CCDC152: variants seen among roughly 807,000 people sequenced by gnomAD.
The protein encoded by CCDC152 is coiled-coil domain containing 152, also known as coiled-coil domain-containing protein 152.
Under a neutral mutation model 38.1 loss-of-function variants are expected in CCDC152, and 37 were observed. That is an observed-to-expected ratio of 0.97 (90% CI 0.75 to 1.28). The LOEUF is 1.28. CCDC152 is among the 50% of genes most tolerant of loss of function. The probability of loss-of-function intolerance (pLI) is 0.00; values close to 1 mark genes in which losing one functional copy is unlikely to be tolerated. For missense variants in CCDC152, 259 were observed against 292.1 expected, an observed-to-expected ratio of 0.89 and a Z score of 0.83; for synonymous variants, 83 against 87.1, an observed-to-expected ratio of 0.95 and a Z score of 0.26.
intron 5 of CCDC152, among the ~76,000 whole-genome samples, chr5:42,780,009 C>T (rs927815200): frequency 2.0e-5 from 3 of 152,114 alleles, no homozygotes; most frequent in African/African-American, 7.2e-5. Context: ...GCTACTTTTC[C>T]TTATCTCCTG....
chr5:42,800,785 T>C lies in CCDC152; in HGVS notation c.*1004T>C, dbSNP rs760986023. On this transcript the variant is annotated 3_prime_UTR_variant, in exon 9 of 9. Transcript: ENST00000361970. ...CAGCGTCAACTGGCACTGGCTTCTGTGGGTATAAGCTGCTGACTTATTTGT... is the reference window on the plus strand; with the variant it reads ...CAGCGTCAACTGGCACTGGCTTCTGCGGGTATAAGCTGCTGACTTATTTGT... The C allele has an allele frequency of 5.1e-5, 82 of 1,613,822 alleles. No individual in the cohort carries two copies. The highest frequency in any genetic ancestry group is 6.9e-5 in the Non-Finnish European group (82 of 1,179,856).
chr5:42,768,121 G>A (rs955834420), intron 3 of CCDC152, among the ~76,000 whole-genome samples: 4 of 152,168 alleles, frequency 2.6e-5, no homozygotes, highest in Non-Finnish European at 5.9e-5. Flanking sequence ...TATCAGCATA[G>A]TTGAAAAAGT....
At chr5:42,787,201 A>G (rs1247570764) in intron 6 of CCDC152, among the ~76,000 whole-genome samples, 2 of 151,898 alleles carry the variant, frequency 1.3e-5, no homozygotes, top group African/African-American at 4.8e-5. Context: ...GAGTTTCTTT[A>G]TTATTTTTCA....
chr5:42,778,836 C>T (rs1759802613), intron 4 of CCDC152, among the ~76,000 whole-genome samples: 1 of 152,134 alleles, frequency 6.6e-6, no homozygotes, highest in African/African-American at 2.4e-5. Context: ...CTCATTATTT[C>T]ACTTCTGCAC....
In CCDC152 at chr5:42,792,827, C is replaced by A. The variant is rs148769679; in HGVS notation, c.431-4002C>A. Among the ~76,000 whole-genome samples, 206 of 152,294 alleles carry A rather than the reference C, an allele frequency of 1.4e-3. 1 individual carries two copies. The highest frequency in any genetic ancestry group is 4.7e-3 in the African/African-American group (196 of 41,556). ...TAGAAGCATGGCCTCAGCTTAAATG[C>A]AGTAATGGATTTTAGAGTGCAGGAG... On this transcript the variant is annotated intron_variant, in intron 6 of 8. Transcript: ENST00000361970.
At position 42,799,732 on chromosome 5, in the gene CCDC152, A is replaced by G. The variant is rs1760136852; in HGVS notation, c.716A>G (p.Gln239Arg). Residue 239 changes from glutamine (Q) to arginine (R), a missense_variant, in exon 9 of 9, where the codon CAA becomes CGA. Physicochemically the swap from Gln to Arg is conservative, Grantham distance 43 (BLOSUM62 1). Transcript: ENST00000361970. ...CGTAATACCATTCGCGATTTAGAGC[A>G]ACGCCTTTCTGTTGGCAAAGATTCT... is the stretch of plus-strand genomic sequence containing the variant. ...ILRNTIRDLE[Q>R]RLSVGKDSHL... 6.4e-7 allele frequency: 1 copy of G among 1,551,276 alleles called. No homozygotes were observed. The highest frequency in any genetic ancestry group is 8.7e-7 in the Non-Finnish European group (1 of 1,146,840).
In CCDC152 at chr5:42,800,301, A is replaced by G. The variant is rs1760151879; in HGVS notation, c.*520A>G. On this transcript the variant is annotated 3_prime_UTR_variant, in exon 9 of 9. Transcript: ENST00000361970. ...AAAATCCACTTATTTTATTAGTTAAAAGTAGAAGATTGAAAAGACAAAGTA... is the reference window on the plus strand; with the variant it reads ...AAAATCCACTTATTTTATTAGTTAAGAGTAGAAGATTGAAAAGACAAAGTA... 1 of 158,476 alleles carries G rather than the reference A, an allele frequency of 6.3e-6. No homozygotes were observed. The highest frequency in any genetic ancestry group is 2.4e-5 in the African/African-American group (1 of 41,622). 9.8% of individuals were successfully genotyped at this position (158,476 alleles called of 1,614,324 possible).
intron 5 of CCDC152, among the ~76,000 whole-genome samples, 193 bp from the exon 6 acceptor site, chr5:42,783,281 A>T (rs1444791262): frequency 1.3e-5 from 2 of 152,092 alleles, no homozygotes; most frequent in Non-Finnish European, 2.9e-5. Flanking sequence ...TTGTAGATAT[A>T]ACTTTTAATT....
intron 1 of CCDC152, among the ~76,000 whole-genome samples, chr5:42,758,106 CATAAG>C (rs1337895932): frequency 1.3e-5 from 2 of 152,090 alleles, no homozygotes; most frequent in Non-Finnish European, 2.9e-5. Context: ...ATATGTCATA[CATAAG>C]ATAATAATTC....
At chr5:42,775,456 C>A (rs1325263348) in intron 4 of CCDC152, among the ~76,000 whole-genome samples, 1 of 152,016 alleles carries the variant, frequency 6.6e-6, no homozygotes, top group Non-Finnish European at 1.5e-5. Context: ...AAACACCAAC[C>A]AATAATTCTG....
intron 6 of CCDC152, among the ~76,000 whole-genome samples, chr5:42,792,054 C>A (rs1224723492): frequency 6.6e-6 from 1 of 152,152 alleles, no homozygotes; most frequent in Admixed American, 6.5e-5. Flanking sequence ...GAATTGCTAG[C>A]TTTTACTAGG....
intron 2 of CCDC152, among the ~76,000 whole-genome samples, chr5:42,760,826 T>G (rs531156656): frequency 1.3e-5 from 2 of 152,268 alleles, no homozygotes; most frequent in African/African-American, 4.8e-5. Flanking sequence ...TAATAAGAGA[T>G]AAAAGAGAAA....
At chr5:42,764,260 A>G (rs879208104) in intron 3 of CCDC152, among the ~76,000 whole-genome samples, 2 of 152,044 alleles carry the variant, frequency 1.3e-5, no homozygotes, top group Admixed American at 1.3e-4. Flanking sequence ...AAATACAAAA[A>G]TTAGCCGGGC....
At chr5:42,799,310 AATTATAG>A in intron 7 of CCDC152, 58 bp from the exon 8 acceptor site, 1 of 827,030 alleles carries the variant, frequency 1.2e-6, no homozygotes, top group Non-Finnish European at 1.9e-6. Flanking sequence ...CATGGATTAT[AATTATAG>A]AAACAATTGT....
intron 6 of CCDC152, among the ~76,000 whole-genome samples, chr5:42,790,806 C>T (rs1281952758): frequency 1.3e-5 from 2 of 152,182 alleles, no homozygotes; most frequent in Admixed American, 1.3e-4. Context: ...CCCTATCAAG[C>T]TCAGTCATTG....
intron 1 of CCDC152, among the ~76,000 whole-genome samples, chr5:42,758,548 C>T (rs181032145): frequency 2.0e-5 from 3 of 152,196 alleles, no homozygotes; most frequent in Non-Finnish European, 4.4e-5. Context: ...AAATAGCCAG[C>T]ATTTACATTC....
intron 6 of CCDC152, among the ~76,000 whole-genome samples, chr5:42,785,389 T>C (rs1759904983): frequency 6.6e-6 from 1 of 152,096 alleles, no homozygotes; most frequent in Non-Finnish European, 1.5e-5. Flanking sequence ...CTTGATTTGG[T>C]TCTCAGCTTG....
chr5:42,764,584 G>C (rs757811669), intron 3 of CCDC152, among the ~76,000 whole-genome samples: 2 of 152,158 alleles, frequency 1.3e-5, no homozygotes, highest in African/African-American at 2.4e-5. Context: ...TCATGACCAA[G>C]TGGGATTCAT....
chr5:42,792,951 A>ATT (rs1760024640), intron 6 of CCDC152, among the ~76,000 whole-genome samples: 1 of 152,156 alleles, frequency 6.6e-6, no homozygotes, highest in East Asian at 1.9e-4. Context: ...ACTCCTGGGT[A>ATT]TTTACCCAAG....
Sources: gnomAD v4.1 joint callset for allele counts (sites outside exome capture counted in the v4.1 genomes callset) on GRCh38, gnomAD v4.1.1 for gene constraint, MANE v1.5 for transcripts, NCBI Gene and HGNC (gene_info 2026-07-23, HGNC 2026-07-21) for gene names.